B4GALT6: variants seen among roughly 807,000 people sequenced by gnomAD.
B4GALT6 encodes the protein beta-1,4-galactosyltransferase 6, also known as UDP-Gal:beta-GlcNAc beta-1,4-galactosyltransferase 6.
A neutral mutation model predicts 46.3 loss-of-function variants in B4GALT6; 14 were observed. That is an observed-to-expected ratio of 0.30 (90% CI 0.20 to 0.47). The LOEUF is 0.47. Among genes scored for constraint, B4GALT6 ranks in the 20% least tolerant of loss-of-function variants. The pLI, the probability that B4GALT6 is intolerant of heterozygous loss-of-function variation, is 0.99. For synonymous variants in B4GALT6, 168 were observed against 162.0 expected, an observed-to-expected ratio of 1.04 and a Z score of -0.28; for missense variants, 386 against 480.1, an observed-to-expected ratio of 0.80 and a Z score of 1.83.
chr18:31,698,164 T>C, the B4GALT6 span, among the ~76,000 whole-genome samples: 1 of 152,246 alleles, frequency 6.6e-6, no homozygotes, highest in East Asian at 1.9e-4. Flanking sequence ...ATATGCTTCA[T>C]TCTGTGTTAG....
At chr18:31,627,705 AT>A in intron 6 of B4GALT6, among the ~76,000 whole-genome samples, 1 of 152,168 alleles carries the variant, frequency 6.6e-6, no homozygotes, top group Non-Finnish European at 1.5e-5. Flanking sequence ...AGAAATAACT[AT>A]TTTTGTTTGG....
In B4GALT6 at chr18:31,623,663, A is replaced by G. The variant is rs2073647652; in HGVS notation, c.*1951T>C. ...CAGAAGGTTTGATTTTTCGAGTACC[A>G]TAAAAAAACTGAAATATAAATATTT... On this transcript the variant is annotated 3_prime_UTR_variant, in exon 9 of 9. Coordinates refer to ENST00000306851, the MANE Select transcript of B4GALT6 (RefSeq NM_004775.5). 1 of 152,386 alleles carries G rather than the reference A, an allele frequency of 6.6e-6. No homozygotes were observed. Among genetic ancestry groups the G allele is most frequent in the South Asian group, 2.1e-4 (1 of 4,832 alleles). 9.4% of individuals were successfully genotyped at this position (152,386 alleles called of 1,614,324 possible).
At chr18:31,638,272 A>C (rs1023523014) in intron 5 of B4GALT6, among the ~76,000 whole-genome samples, 1 of 152,166 alleles carries the variant, frequency 6.6e-6, no homozygotes, top group African/African-American at 2.4e-5. Context: ...TCATACCTGT[A>C]ATCCTAGCAC....
chr18:31,664,529 CTTT>C (rs35854175), intron 2 of B4GALT6, among the ~76,000 whole-genome samples: 38 of 137,954 alleles, frequency 2.8e-4, no homozygotes, highest in Admixed American at 2.9e-4. Context: ...AAGGATTTTC[CTTT>C]TTTTTTTTTT....
chr18:31,684,207 G>A (rs1011580008), intron 1 of B4GALT6, 105 bp downstream of exon 1: 3 of 1,536,846 alleles, frequency 2.0e-6, no homozygotes, highest in African/African-American at 1.4e-5. Context: ...GCTTTTCTGC[G>A]GGCCCCTGTT....
chr18:31,720,037 A>C, the B4GALT6 span, among the ~76,000 whole-genome samples: 5 of 152,234 alleles, frequency 3.3e-5, no homozygotes, highest in African/African-American at 1.2e-4. Context: ...ACTGGTCCCC[A>C]GGCAAGAAGG....
At position 31,655,456 on chromosome 18, in the gene B4GALT6, CT is replaced by C. The variant is rs984421184; in HGVS notation, c.346+2519del. Reference sequence around the variant, plus strand: ...GAAGCAGAGAGAAGGGGCAGTAGTGCTGAGACCCCTCCCCACCCCCAGTGAA... The same window carrying C: ...GAAGCAGAGAGAAGGGGCAGTAGTGCGAGACCCCTCCCCACCCCCAGTGAA... On this transcript the variant is annotated intron_variant, in intron 3 of 8. Coordinates refer to ENST00000306851, the MANE Select transcript of B4GALT6 (RefSeq NM_004775.5). Among the ~76,000 whole-genome samples, 44 of 152,160 alleles carry C rather than the reference CT, an allele frequency of 2.9e-4. 1 individual carries two copies. The highest frequency in any genetic ancestry group is 2.8e-3 in the Admixed American group (42 of 15,272).
At chr18:31,627,185 G>T (rs1480292454) in intron 6 of B4GALT6, 64 bp from the exon 7 acceptor site, 38 of 1,475,472 alleles carry the variant, frequency 2.6e-5, no homozygotes, top group East Asian at 1.9e-4. Context: ...TGAAATGAAG[G>T]TTTCAGCCTT....
At chr18:31,648,891 CT>C (rs2074025399) in intron 3 of B4GALT6, among the ~76,000 whole-genome samples, 1 of 152,144 alleles carries the variant, frequency 6.6e-6, no homozygotes, top group African/African-American at 2.4e-5. Context: ...GAGCCTATAT[CT>C]ATTTTTTGGT....
intron 3 of B4GALT6, among the ~76,000 whole-genome samples, chr18:31,655,303 C>T (rs1474199622): frequency 5.3e-5 from 8 of 152,356 alleles, no homozygotes; most frequent in African/African-American, 1.9e-4. Context: ...GCCACCACGG[C>T]CACCACTAAT....
intron 3 of B4GALT6, among the ~76,000 whole-genome samples, chr18:31,646,883 T>C (rs2073997185): frequency 6.6e-6 from 1 of 152,262 alleles, no homozygotes; most frequent in Admixed American, 6.5e-5. Context: ...AATCTTCTAA[T>C]GCCTGCCTGT....
chr18:31,713,570 G>A, the B4GALT6 span, among the ~76,000 whole-genome samples: 11 of 152,164 alleles, frequency 7.2e-5, no homozygotes, highest in African/African-American at 2.4e-4. Context: ...ATGCAAGCCT[G>A]CTAAGACAGT....
intron 5 of B4GALT6, among the ~76,000 whole-genome samples, chr18:31,631,472 G>A (rs1265686203): frequency 1.3e-5 from 2 of 151,930 alleles, no homozygotes; most frequent in African/African-American, 4.8e-5. Context: ...CAAATACACT[G>A]TTTAAATTTA....
chr18:31,653,631 A>G (rs564429652), intron 3 of B4GALT6, among the ~76,000 whole-genome samples: 25 of 151,754 alleles, frequency 1.6e-4, no homozygotes, highest in Admixed American at 1.6e-3. Flanking sequence ...TGTTTTTGGT[A>G]GAGACAGGTT....
upstream of B4GALT6, among the ~76,000 whole-genome samples, chr18:31,684,913 C>A (rs559959098): frequency 0.013 from 1,890 of 149,412 alleles, 25 homozygotes; most frequent in Non-Finnish European, 0.018. Context: ...CCGGGCCGCC[C>A]GCGTCCGCTC....
At chr18:31,692,164 T>G in the B4GALT6 span, among the ~76,000 whole-genome samples, 1 of 152,334 alleles carries the variant, frequency 6.6e-6, no homozygotes, top group South Asian at 2.1e-4. Flanking sequence ...GAGTCAACAA[T>G]AAATTGAACT....
At chr18:31,708,707 T>C in the B4GALT6 span, among the ~76,000 whole-genome samples, 1 of 152,240 alleles carries the variant, frequency 6.6e-6, no homozygotes, top group African/African-American at 2.4e-5. Flanking sequence ...CCTTTCTTCC[T>C]GTTTCCCTCC....
chr18:31,723,847 G>A, the B4GALT6 span, among the ~76,000 whole-genome samples: 2 of 152,144 alleles, frequency 1.3e-5, no homozygotes, highest in South Asian at 4.1e-4. Flanking sequence ...TCGGATTTCA[G>A]CTTGGAGGAG....
the B4GALT6 span, among the ~76,000 whole-genome samples, chr18:31,706,506 C>G: frequency 6.6e-6 from 1 of 152,068 alleles, no homozygotes; most frequent in Non-Finnish European, 1.5e-5. Context: ...TGGTGGGCAC[C>G]TGTAATCCCA....
Sources: allele counts gnomAD v4.1 joint callset (sites outside exome capture counted in the v4.1 genomes callset), GRCh38; gene constraint gnomAD v4.1.1; transcripts MANE v1.5; gene names NCBI Gene and HGNC (gene_info 2026-07-23, HGNC 2026-07-21).